The following BANP variants were observed in gnomAD, a reference collection of about 807,000 sequenced individuals.
BANP encodes the protein BTG3 associated nuclear protein, also known as protein BANP.
A neutral mutation model predicts 68.1 loss-of-function variants in BANP; 11 were observed. The observed-to-expected ratio is 0.16, with a 90% confidence interval of 0.10 to 0.27. The LOEUF (loss-of-function observed/expected upper bound fraction) is 0.27, where lower values mean the gene tolerates loss of function less well. Among genes scored for constraint, BANP ranks in the 10% least tolerant of loss-of-function variants. The probability of loss-of-function intolerance (pLI) is 1.00; values close to 1 mark genes in which losing one functional copy is unlikely to be tolerated. For synonymous variants in BANP, 329 were observed against 303.2 expected (o/e 1.09, Z -0.88); for missense variants, 504 against 722.7 (o/e 0.70, Z 3.47).
At chr16:87,985,212 G>A (rs72631414) in intron 4 of BANP, among the ~76,000 whole-genome samples, 36,578 of 152,010 alleles carry the variant, frequency 0.24, 4,923 homozygotes, top group East Asian at 0.49. Context: ...TGCTGTGCTG[G>A]CCGAAGCAGT....
chr16:87,951,584 G>C (rs1164919989), intron 1 of BANP, 69 bp downstream of exon 1: 2 of 151,572 alleles, frequency 1.3e-5, no homozygotes, highest in Admixed American at 6.6e-5. Flanking sequence ...GCGAGAGCGA[G>C]ATCTCCCTCC....
chr16:88,008,426 ATTG>A (rs989814122), intron 6 of BANP, among the ~76,000 whole-genome samples: 1 of 152,202 alleles, frequency 6.6e-6, no homozygotes, highest in Non-Finnish European at 1.5e-5. Context: ...CGACAGACTA[ATTG>A]TTGTAATTAT....
intron 7 of BANP, among the ~76,000 whole-genome samples, chr16:88,026,493 G>A (rs1412066605): frequency 6.6e-6 from 1 of 152,214 alleles, no homozygotes; most frequent in African/African-American, 2.4e-5. Flanking sequence ...CACAACAAAG[G>A]CCCCTGTGTT....
chr16:87,971,545 T>C (rs1054998868), intron 1 of BANP, among the ~76,000 whole-genome samples: 1 of 152,016 alleles, frequency 6.6e-6, no homozygotes, highest in African/African-American at 2.4e-5. Context: ...CTTTCCGTTA[T>C]AAGTCACCTA....
At chr16:87,958,390 A>G (rs549931863) in intron 1 of BANP, among the ~76,000 whole-genome samples, 42 of 152,368 alleles carry the variant, frequency 2.8e-4, no homozygotes, top group Admixed American at 1.8e-3. Context: ...GGAAACTTGC[A>G]GTGATGAGTG....
chr16:87,964,673 G>T (rs537614749), intron 1 of BANP, among the ~76,000 whole-genome samples: 1 of 152,188 alleles, frequency 6.6e-6, no homozygotes, highest in Non-Finnish European at 1.5e-5. Context: ...GCTCTTTATC[G>T]TGATCACAGC....
At position 88,004,584 on chromosome 16, in the gene BANP, G is replaced by A. The variant is rs75244658; in HGVS notation, c.479+173G>A. Reference sequence around the variant, plus strand: ...CTCTGAGGTCGGGGAGGGCAGGCTGGGCGATGCTGAATGCTGAGTCCAGCC... The same window carrying A: ...CTCTGAGGTCGGGGAGGGCAGGCTGAGCGATGCTGAATGCTGAGTCCAGCC... On this transcript the variant is annotated intron_variant, in intron 5 of 13. Coordinates refer to ENST00000682872, the MANE Select transcript of BANP (RefSeq NM_001386991.1). This position sits in a 1 kb window ranked among gnomAD's most constrained non-coding sequence, Gnocchi z 7.0. Among the ~76,000 whole-genome samples, 1,790 of 152,310 alleles carry A rather than the reference G, an allele frequency of 0.012. 13 individuals are homozygous for A. The highest frequency in any genetic ancestry group is 0.02 in the Middle Eastern group (6 of 294).
chr16:88,029,467 C>T (rs1466256769), intron 8 of BANP, among the ~76,000 whole-genome samples: 4 of 151,756 alleles, frequency 2.6e-5, no homozygotes, highest in Admixed American at 6.6e-5. Context: ...AAAAATTAGC[C>T]GGGCGTGGTG....
rs547899437 is a variant in BANP at position 88,023,117 on chromosome 16, G to A, written c.896-4366G>A. The stretch of plus-strand genomic sequence containing the variant: ...ATGTGGACTCCATGCAGGGGTGGGT[G>A]TTTGTCTGTGTATCTTGGGACATTG... On this transcript the variant is annotated intron_variant, in intron 7 of 13. Coordinates refer to ENST00000682872, the MANE Select transcript of BANP (RefSeq NM_001386991.1). Among the ~76,000 whole-genome samples, 8 of 152,286 alleles carry A rather than the reference G, an allele frequency of 5.3e-5. No individual in the cohort carries two copies. The South Asian group carries it at 1.7e-3, about 32-fold the overall frequency.
rs2085290521 is a variant in BANP at position 88,057,206 on chromosome 16, G to T, written c.1312-8061G>T. 6.6e-6 allele frequency among the ~76,000 whole-genome samples: 1 copy of T among 152,174 alleles called. No homozygotes were observed. The highest frequency in any genetic ancestry group is 2.4e-5 in the African/African-American group (1 of 41,430). ...GGTGGGGAGCGACTTCACACAGCTG[G>T]CACGGGATGCTTCGAAGTGGGGTAC... On this transcript the variant is annotated intron_variant, in intron 11 of 13. Coordinates refer to ENST00000682872, the MANE Select transcript of BANP (RefSeq NM_001386991.1). The surrounding 1 kb of genome is among the most constrained non-coding windows in gnomAD (Gnocchi z 4.6).
intron 8 of BANP, among the ~76,000 whole-genome samples, chr16:88,031,522 G>A (rs1037915632): frequency 1.3e-5 from 2 of 151,828 alleles, no homozygotes; most frequent in East Asian, 1.9e-4. Context: ...GATGGTGGGT[G>A]CCTGTAATCC....
rs1315391412 is a variant in BANP, at chr16:87,964,813, T to C, written c.-68-10235T>C. On this transcript the variant is annotated intron_variant, in intron 1 of 13. Coordinates refer to ENST00000682872, the MANE Select transcript of BANP (RefSeq NM_001386991.1). ...GAAGGAGAGGAGAACCCAGGAGGCC[T>C]GAGGTTTTGGCCTGAGCATCTGGGA... 3.9e-5 allele frequency among the ~76,000 whole-genome samples: 6 copies of C among 152,266 alleles called. No homozygotes were observed. The East Asian group carries it at 1.2e-3, about 29-fold the overall frequency.
chr16:87,981,573 C>T (rs547564559), intron 3 of BANP, among the ~76,000 whole-genome samples: 150 of 152,330 alleles, frequency 9.8e-4, no homozygotes, highest in African/African-American at 3.4e-3. Flanking sequence ...TAGGTTCTGG[C>T]GGTTAGGATG....
At chr16:88,067,836 C>T (rs1434296871) in intron 12 of BANP, among the ~76,000 whole-genome samples, 1 of 152,222 alleles carries the variant, frequency 6.6e-6, no homozygotes, top group African/African-American at 2.4e-5. Flanking sequence ...ATTGTTCCTG[C>T]ATGGTTACAC....
At chr16:87,971,304 T>C (rs1039439875) in intron 1 of BANP, among the ~76,000 whole-genome samples, 12 of 152,172 alleles carry the variant, frequency 7.9e-5, no homozygotes, top group African/African-American at 2.7e-4. Context: ...GGTGCTCCGC[T>C]AGCCGCTCTT....
intron 1 of BANP, among the ~76,000 whole-genome samples, chr16:87,971,207 A>G (rs1211332835): frequency 3.3e-5 from 5 of 152,096 alleles, no homozygotes; most frequent in African/African-American, 1.2e-4. Context: ...ATGTACTCCC[A>G]ATTCCTCCCA....
intron 12 of BANP, among the ~76,000 whole-genome samples, chr16:88,068,947 C>A (rs1197838703): frequency 3.3e-5 from 5 of 151,234 alleles, no homozygotes; most frequent in Non-Finnish European, 5.9e-5. Context: ...CTTGCTCTCT[C>A]TTTCCTGCCC....
At chr16:87,980,731 G>A (rs755196172) in intron 2 of BANP, 1 of 292,626 alleles carries the variant, frequency 3.4e-6, no homozygotes, top group Non-Finnish European at 6.4e-6. Flanking sequence ...TTTATCGTGG[G>A]TTTTCTCAAA....
chr16:88,062,336 T>C (rs757559326), intron 11 of BANP, among the ~76,000 whole-genome samples: 2 of 152,208 alleles, frequency 1.3e-5, no homozygotes, highest in African/African-American at 2.4e-5. Context: ...ATGATCTCAG[T>C]TGGACATTAC....
Sources: allele counts gnomAD v4.1 joint callset (sites outside exome capture counted in the v4.1 genomes callset), GRCh38; gene constraint gnomAD v4.1.1; non-coding constraint Gnocchi (gnomAD v3.1); transcripts MANE v1.5; gene names NCBI Gene and HGNC (gene_info 2026-07-23, HGNC 2026-07-21).